PTPN13: variants seen among roughly 807,000 people sequenced by gnomAD.
PTPN13 encodes the protein protein tyrosine phosphatase non-receptor type 13.
In PTPN13, 191 loss-of-function variants were observed where a neutral mutation model predicts 284.0. The observed-to-expected ratio is 0.67, with a 90% CI of 0.60 to 0.76. The LOEUF is 0.76. Among genes scored for constraint, PTPN13 ranks in the 30% least tolerant of loss-of-function variants. The probability of loss-of-function intolerance (pLI) is 0.00; values close to 1 mark genes in which losing one functional copy is unlikely to be tolerated. For missense variants in PTPN13, 2,797 were observed against 2,939.9 expected (o/e 0.95, Z 1.12); for synonymous variants, 986 against 1,022.3 (o/e 0.96, Z 0.68).
At chr4:86,700,860 A>G (rs547156868) in intron 6 of PTPN13, among the ~76,000 whole-genome samples, 3 of 152,330 alleles carry the variant, frequency 2.0e-5, no homozygotes, top group Non-Finnish European at 4.4e-5. Flanking sequence ...TTATACCTTT[A>G]GAAGTTAAAG....
rs1306759294 is a variant in PTPN13, at chr4:86,718,707, T to C, written c.1385+1590T>C. Among the ~76,000 whole-genome samples, 6 of 152,316 alleles carry C rather than the reference T, an allele frequency of 3.9e-5. No individual in the cohort carries two copies. In the East Asian group the frequency reaches 7.7e-4, roughly 20 times the overall value. ...GTCAAGTTATCCACCCACCTCAGCC[T>C]CCCAAAGTGCTGGGATTACAGGTGG... On this transcript the variant is annotated intron_variant, in intron 9 of 47. Transcript: ENST00000411767.
chr4:86,633,308 A>G (rs1174273061), intron 1 of PTPN13, among the ~76,000 whole-genome samples: 1 of 151,180 alleles, frequency 6.6e-6, no homozygotes, highest in East Asian at 1.9e-4. Context: ...ATGTCTCCTC[A>G]CTCTTGTGTG....
chr4:86,691,032 A>G (rs1054373519), intron 5 of PTPN13, among the ~76,000 whole-genome samples: 17 of 152,112 alleles, frequency 1.1e-4, no homozygotes, highest in African/African-American at 3.6e-4. Flanking sequence ...ATGAGAGTTT[A>G]AAGGAAAAGG....
chr4:86,661,222 A>G, intron 2 of PTPN13: 1 of 334,096 alleles, frequency 3.0e-6, no homozygotes, highest in Non-Finnish European at 5.8e-6. Context: ...TGGACATCAT[A>G]AAAATAGAAT....
intron 1 of PTPN13, among the ~76,000 whole-genome samples, chr4:86,616,993 T>C (rs1436346121): frequency 6.6e-6 from 1 of 151,526 alleles, no homozygotes; most frequent in African/African-American, 2.4e-5. Flanking sequence ...GAAAAAATCT[T>C]GTAGGGAGCT....
At chr4:86,812,789 G>C (rs942744991) in intron 47 of PTPN13, among the ~76,000 whole-genome samples, 1 of 152,046 alleles carries the variant, frequency 6.6e-6, no homozygotes, top group Non-Finnish European at 1.5e-5. Flanking sequence ...CAGGACTTTG[G>C]CTTTTCTCTG....
intron 47 of PTPN13, among the ~76,000 whole-genome samples, chr4:86,814,114 C>A (rs1480436493): frequency 1.4e-5 from 2 of 144,766 alleles, no homozygotes; most frequent in Admixed American, 7.3e-5. Flanking sequence ...TCAAGCGATT[C>A]TCCTGCCTCA....
At chr4:86,617,433 T>C (rs1194054431) in intron 1 of PTPN13, among the ~76,000 whole-genome samples, 1 of 152,190 alleles carries the variant, frequency 6.6e-6, no homozygotes, top group Non-Finnish European at 1.5e-5. Context: ...TTTTTACTTT[T>C]TTAAATTATA....
intron 10 of PTPN13, among the ~76,000 whole-genome samples, chr4:86,730,022 T>G (rs568442084): frequency 6.7e-6 from 1 of 149,226 alleles, no homozygotes; most frequent in South Asian, 2.1e-4. Context: ...TAGATGTCCT[T>G]TTTGTTGATG....
intron 45 of PTPN13, 117 bp from the exon 46 acceptor site, chr4:86,809,652 C>G (rs1442166263): frequency 2.2e-6 from 2 of 905,652 alleles, no homozygotes; most frequent in African/African-American, 3.3e-5. Context: ...GATTGCACCA[C>G]TGCACTCCAG....
chr4:86,668,907 T>C (rs1727407276), intron 2 of PTPN13, among the ~76,000 whole-genome samples: 1 of 151,554 alleles, frequency 6.6e-6, no homozygotes, highest in South Asian at 2.1e-4. Context: ...GCGCCCAGCC[T>C]GTCTGTATTT....
intron 42 of PTPN13, among the ~76,000 whole-genome samples, chr4:86,800,585 G>A (rs2149364061): frequency 6.6e-6 from 1 of 152,142 alleles, no homozygotes; most frequent in African/African-American, 2.4e-5. Flanking sequence ...CCCAGAGGCA[G>A]AGGTTGCAAT....
At chr4:86,745,912 G>A (rs543255133) in intron 17 of PTPN13, among the ~76,000 whole-genome samples, 1 of 152,252 alleles carries the variant, frequency 6.6e-6, no homozygotes, top group South Asian at 2.1e-4. Context: ...TAAAAATAAT[G>A]CAAGTAGTTT....
intron 1 of PTPN13, among the ~76,000 whole-genome samples, chr4:86,628,653 TC>T (rs1378536784): frequency 1.4e-5 from 1 of 73,718 alleles, no homozygotes; most frequent in Non-Finnish European, 2.7e-5. Context: ...CCCTCCCCCC[TC>T]CCCCGACCCC....
intron 1 of PTPN13, among the ~76,000 whole-genome samples, chr4:86,624,459 T>C (rs1012096416): frequency 1.3e-5 from 2 of 152,156 alleles, no homozygotes; most frequent in Non-Finnish European, 1.5e-5. Flanking sequence ...CTTTGTTTAG[T>C]TTTCTAGTTT....
intron 40 of PTPN13, among the ~76,000 whole-genome samples, chr4:86,786,522 C>T (rs985096328): frequency 2.0e-5 from 3 of 152,054 alleles, no homozygotes; most frequent in Admixed American, 6.5e-5. Flanking sequence ...AGGAAGCTTA[C>T]GGCTGATAAG....
intron 42 of PTPN13, among the ~76,000 whole-genome samples, chr4:86,800,822 A>G (rs1020552253): frequency 3.3e-5 from 5 of 152,338 alleles, no homozygotes; most frequent in African/African-American, 1.2e-4. Flanking sequence ...CCAGCACTGT[A>G]GCCCTTGCTC....
chr4:86,741,693 G>T lies in PTPN13; in HGVS notation c.2364G>T (p.Lys788Asn), dbSNP rs368831779. The T allele has an allele frequency of 1.9e-5, 30 of 1,613,552 alleles. No homozygotes were observed. The highest frequency in any genetic ancestry group is 2.5e-5 in the Non-Finnish European group (29 of 1,179,716). ...TTCACCGAGTGCACCCTGAGAAGAAGTCACAAACAGGAATATTGCTTGGAG... is the reference window on the plus strand; with the variant it reads ...TTCACCGAGTGCACCCTGAGAAGAATTCACAAACAGGAATATTGCTTGGAG... ...VHFHRVHPEK[K>N]SQTGILLGVC... The change falls in exon 16 of 48, where the codon AAG becomes AAT. Residue 788 changes from lysine (K) to asparagine (N), a missense_variant. By Grantham distance (94) the Lys-to-Asn change is moderately conservative. Coordinates refer to ENST00000411767, the MANE Select transcript of PTPN13 (RefSeq NM_080683.3).
intron 38 of PTPN13, 87 bp from the exon 39 acceptor site, chr4:86,785,144 C>T (rs899621011): frequency 3.9e-6 from 4 of 1,017,880 alleles, no homozygotes; most frequent in African/African-American, 3.4e-5. Context: ...AATTTGAAAG[C>T]ACCTAGCAAA....
Sources: allele counts gnomAD v4.1 joint callset (sites outside exome capture counted in the v4.1 genomes callset), GRCh38; gene constraint gnomAD v4.1.1; transcripts MANE v1.5; gene names NCBI Gene and HGNC (gene_info 2026-07-23, HGNC 2026-07-21).